The following ELF2 variants were observed in gnomAD, a reference collection of about 807,000 sequenced individuals.
ELF2 encodes the protein ETS-related transcription factor Elf-2.
ELF2 carries 11 observed loss-of-function variants against 54.8 expected under a neutral mutation model. The ratio of observed to expected loss-of-function variants is 0.20; its 90% CI spans 0.13 to 0.33. The LOEUF (loss-of-function observed/expected upper bound fraction) is 0.33, where lower values mean the gene tolerates loss of function less well. Among genes scored for constraint, ELF2 ranks in the 10% least tolerant of loss-of-function variants. The probability of loss-of-function intolerance (pLI) is 1.00; values close to 1 mark genes in which losing one functional copy is unlikely to be tolerated. For missense variants in ELF2, 513 were observed against 703.0 expected (o/e 0.73, Z 3.06); for synonymous variants, 203 against 245.1 (o/e 0.83, Z 1.61).
Position 139,059,451 on chromosome 4 carries a change from G to A in ELF2, c.1314C>T (p.Ile438=), listed in dbSNP as rs200739421. ...CAGTAGAAGCTGGCATCACAGTAGG[G>A]ATTGTCTGAATGACTACCTTTGGAG... is the stretch of plus-strand genomic sequence containing the variant. ...ATSPKVVIQT[I]PTVMPASTEN... Residue 438 remains isoleucine (I), a synonymous_variant, in exon 10 of 10, where the codon ATC becomes ATT. Coordinates refer to ENST00000686138, the MANE Select transcript of ELF2 (RefSeq NM_001331036.3). The A allele has an allele frequency of 1.2e-6, 2 of 1,613,974 alleles. No individual in the cohort carries two copies. Among genetic ancestry groups the A allele is most frequent in the Non-Finnish European group, 1.7e-6 (2 of 1,179,866 alleles).
upstream of ELF2, among the ~76,000 whole-genome samples, chr4:139,177,632 G>A (rs567631038): frequency 4.1e-4 from 62 of 152,208 alleles, no homozygotes; most frequent in African/African-American, 1.3e-3. Context: ...TGGTGCAGGG[G>A]GCTCTGCCGC....
intron 4 of ELF2, among the ~76,000 whole-genome samples, chr4:139,075,419 G>C (rs1730164602): frequency 6.6e-6 from 1 of 151,944 alleles, no homozygotes; most frequent in Admixed American, 6.6e-5. Flanking sequence ...TCATGGAGCA[G>C]ACATGCGGAT....
chr4:139,103,727 A>C (rs1341516098), intron 4 of ELF2, among the ~76,000 whole-genome samples: 1 of 152,372 alleles, frequency 6.6e-6, no homozygotes, highest in South Asian at 2.1e-4. Context: ...ATTGAATTAG[A>C]GGACACCCAG....
chr4:139,076,255 A>G (rs906791061), intron 4 of ELF2, among the ~76,000 whole-genome samples: 1 of 152,186 alleles, frequency 6.6e-6, no homozygotes, highest in African/African-American at 2.4e-5. Flanking sequence ...AGGCAGCCAA[A>G]CCTCTAAGTA....
intron 4 of ELF2, among the ~76,000 whole-genome samples, chr4:139,122,974 A>G (rs950300802): frequency 6.6e-6 from 1 of 151,790 alleles, no homozygotes; most frequent in African/African-American, 2.4e-5. Flanking sequence ...CACGAAGTCA[A>G]GAAATCGAGA....
rs898275973 is a variant in ELF2, at chr4:139,080,589, G to A, written c.239-7022C>T. Among the ~76,000 whole-genome samples, 29 of 151,584 alleles carry A rather than the reference G, an allele frequency of 1.9e-4. 1 individual carries two copies. Among genetic ancestry groups the A allele is most frequent in the African/African-American group, 5.8e-4 (24 of 41,364 alleles). On this transcript the variant is annotated intron_variant, in intron 4 of 9. Coordinates refer to ENST00000686138, the MANE Select transcript of ELF2 (RefSeq NM_001331036.3). ...CCAAAACTTCTGATTACCTTATTTC[G>A]CAAATGTAAAAATAAAATAAAATAA...
At chr4:139,087,509 A>AGGCTGGAGTACAGT (rs1203108608) in intron 4 of ELF2, among the ~76,000 whole-genome samples, 1 of 152,202 alleles carries the variant, frequency 6.6e-6, no homozygotes, top group Non-Finnish European at 1.5e-5. Context: ...TCTGTTGCCC[A>AGGCTGGAGTACAGT]GGCTGGAGTA....
intron 4 of ELF2, among the ~76,000 whole-genome samples, chr4:139,108,594 T>A (rs1734649640): frequency 6.6e-6 from 1 of 151,346 alleles, no homozygotes; most frequent in Non-Finnish European, 1.5e-5. Flanking sequence ...CTAAAATCCA[T>A]TCATATTCTA....
intron 4 of ELF2, among the ~76,000 whole-genome samples, chr4:139,103,479 A>G (rs1352413767): frequency 6.6e-6 from 1 of 152,216 alleles, no homozygotes; most frequent in Non-Finnish European, 1.5e-5. Flanking sequence ...TACTTAATCA[A>G]GCTTCCATAA....
chr4:139,091,333 CTG>C (rs1212036794), intron 4 of ELF2, among the ~76,000 whole-genome samples: 3 of 152,024 alleles, frequency 2.0e-5, no homozygotes, highest in African/African-American at 7.3e-5. Context: ...ACATGTCAAA[CTG>C]TGTGATTTAA....
chr4:139,067,699 G>T lies in ELF2; in HGVS notation c.598C>A (p.Pro200Thr), dbSNP rs1728917409. 1.9e-6 allele frequency: 3 copies of T among 1,610,900 alleles called. No individual in the cohort carries two copies. The highest frequency in any genetic ancestry group is 1.3e-5 in the African/African-American group (1 of 74,834). Residue 200 changes from proline (P) to threonine (T), a missense_variant, in exon 7 of 10, where the codon CCA becomes ACA. Pro to Thr is a conservative substitution (Grantham distance 38, BLOSUM62 -1). Transcript: ENST00000686138. ...GSPELGIKKK[P>T]REGKGNTTYL... ...CCCAAATTACCTTTTCCTTCTCTTG[G>T]TTTCTTCTTTATACCTAACTCAGGA...
chr4:139,109,535 C>A (rs529174291), intron 4 of ELF2, among the ~76,000 whole-genome samples: 1 of 152,260 alleles, frequency 6.6e-6, no homozygotes, highest in African/African-American at 2.4e-5. Flanking sequence ...AAAGAGATAC[C>A]TCTTCTTTAG....
chr4:139,106,358 G>C (rs1314561786), intron 4 of ELF2, among the ~76,000 whole-genome samples: 1 of 151,976 alleles, frequency 6.6e-6, no homozygotes, highest in Non-Finnish European at 1.5e-5. Flanking sequence ...ATGGAAGTAG[G>C]GCAGAACATA....
At chr4:139,176,363 T>C (rs951354604) in intron 1 of ELF2, among the ~76,000 whole-genome samples, 2 of 151,432 alleles carry the variant, frequency 1.3e-5, no homozygotes, top group African/African-American at 4.9e-5. Context: ...GCGGCGGCGA[T>C]AAGGCACGAC....
intron 3 of ELF2, among the ~76,000 whole-genome samples, chr4:139,130,261 C>T (rs1211809827): frequency 1.3e-5 from 2 of 152,094 alleles, no homozygotes; most frequent in African/African-American, 4.8e-5. Flanking sequence ...CTATCAACAC[C>T]TTGATTCCTA....
At chr4:139,098,931 A>G (rs1350832279) in intron 4 of ELF2, among the ~76,000 whole-genome samples, 1 of 152,176 alleles carries the variant, frequency 6.6e-6, no homozygotes, top group Non-Finnish European at 1.5e-5. Flanking sequence ...TACTTCTACT[A>G]TCTTGATTTA....
At chr4:139,064,079 TG>T (rs1189641375) in intron 7 of ELF2, among the ~76,000 whole-genome samples, 2 of 151,972 alleles carry the variant, frequency 1.3e-5, no homozygotes, top group African/African-American at 4.8e-5. Flanking sequence ...GAGGCCAAGG[TG>T]GGTGGATCAC....
At chr4:139,136,262 G>A (rs3796635) in intron 3 of ELF2, among the ~76,000 whole-genome samples, 4,075 of 152,194 alleles carry the variant, frequency 0.027, 97 homozygotes, top group African/African-American at 0.064. Flanking sequence ...TTCTCTTAAT[G>A]GACTTTGTAC....
rs575827292 is a variant in ELF2 at position 139,077,784 on chromosome 4, T to C, written c.239-4217A>G. Among the ~76,000 whole-genome samples the C allele has an allele frequency of 2.8e-3, 421 of 152,324 alleles. 2 individuals carry two copies. Among genetic ancestry groups the C allele is most frequent in the Non-Finnish European group, 4.7e-3 (319 of 68,022 alleles). On this transcript the variant is annotated intron_variant, in intron 4 of 9. Coordinates refer to ENST00000686138, the MANE Select transcript of ELF2 (RefSeq NM_001331036.3). ...AAGTAAGCAAGCTACAAGCAAGAGCTGAAAAGTAGAATTCCTTATCTTACT... is the reference window on the plus strand; with the variant it reads ...AAGTAAGCAAGCTACAAGCAAGAGCCGAAAAGTAGAATTCCTTATCTTACT...
Sources: gnomAD v4.1 joint callset for allele counts (sites outside exome capture counted in the v4.1 genomes callset) on GRCh38, gnomAD v4.1.1 for gene constraint, MANE v1.5 for transcripts, NCBI Gene and HGNC (gene_info 2026-07-23, HGNC 2026-07-21) for gene names.